ATG10: variants seen among roughly 807,000 people sequenced by gnomAD.
ATG10 encodes the protein ubiquitin-like-conjugating enzyme ATG10.
Under a neutral mutation model 32.1 loss-of-function variants are expected in ATG10, and 30 were observed. The observed-to-expected ratio is 0.94, with a 90% CI of 0.70 to 1.27. The LOEUF is 1.27. Among genes scored for constraint, ATG10 ranks in the 50% most tolerant of loss-of-function variants. ATG10 has a pLI of 0.00. For synonymous variants in ATG10, 87 were observed against 91.5 expected (o/e 0.95, Z 0.28); for missense variants, 233 against 262.3 (o/e 0.89, Z 0.77).
At chr5:82,169,856 A>G (rs967025452) in intron 4 of ATG10, among the ~76,000 whole-genome samples, 1 of 152,262 alleles carries the variant, frequency 6.6e-6, no homozygotes, top group African/African-American at 2.4e-5. Flanking sequence ...TCCAAATAAC[A>G]GAGGAAATCT....
In ATG10 at chr5:82,014,660, GT is replaced by G. The variant is rs542623645; in HGVS notation, c.108+26987del. Among the ~76,000 whole-genome samples the G allele has an allele frequency of 8.6e-3, 1,305 of 152,160 alleles. 17 individuals carry two copies. Among genetic ancestry groups the G allele is most frequent in the African/African-American group, 0.03 (1,235 of 41,510 alleles). On this transcript the variant is annotated intron_variant, in intron 2 of 7. Transcript: ENST00000282185. The stretch of plus-strand genomic sequence containing the variant: ...GAGACTAGGATTGCAATCCCTGCCT[GT>G]TTTTGTTTTCCATTTTCTTGGTAGA...
intron 3 of ATG10, among the ~76,000 whole-genome samples, chr5:82,086,576 C>T (rs1326062847): frequency 6.6e-6 from 1 of 152,128 alleles, no homozygotes; most frequent in Non-Finnish European, 1.5e-5. Context: ...AGTTGGACTT[C>T]TTAGCTGTGG....
At chr5:81,981,867 AAAGG>A (rs1441149202) in intron 1 of ATG10, among the ~76,000 whole-genome samples, 6 of 152,220 alleles carry the variant, frequency 3.9e-5, no homozygotes, top group African/African-American at 7.2e-5. Context: ...TTTCAATTAA[AAAGG>A]ATCATTTAAA....
chr5:82,060,736 G>A (rs1763739692), intron 3 of ATG10, among the ~76,000 whole-genome samples: 3 of 152,024 alleles, frequency 2.0e-5, no homozygotes, highest in Non-Finnish European at 4.4e-5. Context: ...GTGGGGGCTT[G>A]CGCCTATGGT....
At chr5:82,100,237 T>C (rs1765222263) in intron 3 of ATG10, among the ~76,000 whole-genome samples, 1 of 151,898 alleles carries the variant, frequency 6.6e-6, no homozygotes, top group African/African-American at 2.4e-5. Flanking sequence ...GAACTCGTGA[T>C]CTCAGGTGAT....
chr5:82,232,703 T>C (rs1264135010), intron 5 of ATG10, among the ~76,000 whole-genome samples: 1 of 152,234 alleles, frequency 6.6e-6, no homozygotes, highest in Non-Finnish European at 1.5e-5. Flanking sequence ...GGTAGCTTCC[T>C]TCCTGCCTCT....
At chr5:81,975,682 CAA>C (rs111857799) in intron 1 of ATG10, among the ~76,000 whole-genome samples, 1 of 143,416 alleles carries the variant, frequency 7.0e-6, no homozygotes. Context: ...ACCCCCCTCT[CAA>C]AAAAAAAAAG....
chr5:82,193,605 C>T (rs1744743363), intron 5 of ATG10, among the ~76,000 whole-genome samples: 2 of 152,154 alleles, frequency 1.3e-5, no homozygotes, highest in African/African-American at 4.8e-5. Flanking sequence ...CCTACCTCTA[C>T]TTAAAGGTCT....
At chr5:82,001,033 A>T (rs554860984) in intron 2 of ATG10, among the ~76,000 whole-genome samples, 15 of 152,218 alleles carry the variant, frequency 9.9e-5, no homozygotes, top group Non-Finnish European at 1.9e-4. Context: ...CATTCACAGG[A>T]GCCACAAAAA....
chr5:82,082,807 T>G (rs1764529517), intron 3 of ATG10, among the ~76,000 whole-genome samples: 1 of 152,194 alleles, frequency 6.6e-6, no homozygotes, highest in African/African-American at 2.4e-5. Context: ...CCAATCATGG[T>G]TGTCTTAGAA....
At chr5:82,114,270 G>T (rs1206209243) in intron 3 of ATG10, among the ~76,000 whole-genome samples, 1 of 151,982 alleles carries the variant, frequency 6.6e-6, no homozygotes, top group Non-Finnish European at 1.5e-5. Context: ...CACAAGAAGT[G>T]TCCTCCCACA....
intron 5 of ATG10, among the ~76,000 whole-genome samples, chr5:82,238,432 G>T (rs1409852639): frequency 6.7e-6 from 1 of 150,090 alleles, no homozygotes; most frequent in African/African-American, 2.5e-5. Context: ...GACAGGGCAT[G>T]AGTATTTCAC....
At chr5:82,170,823 C>G (rs938754948) in intron 4 of ATG10, among the ~76,000 whole-genome samples, 2 of 152,090 alleles carry the variant, frequency 1.3e-5, no homozygotes, top group African/African-American at 4.8e-5. Flanking sequence ...TAGCAAGCGC[C>G]TGTACTCCCA....
intron 3 of ATG10, among the ~76,000 whole-genome samples, chr5:82,135,062 G>T (rs905487200): frequency 5.9e-5 from 9 of 151,662 alleles, no homozygotes; most frequent in Non-Finnish European, 1.2e-4. Flanking sequence ...TGTGGGATTG[G>T]TGGTGATCTC....
At chr5:82,193,722 G>A (rs1257186332) in intron 5 of ATG10, among the ~76,000 whole-genome samples, 4 of 152,138 alleles carry the variant, frequency 2.6e-5, no homozygotes, top group South Asian at 4.1e-4. Flanking sequence ...CTTTTGATTC[G>A]CCAAAGTCTA....
intron 5 of ATG10, among the ~76,000 whole-genome samples, chr5:82,220,686 G>A (rs1432168949): frequency 6.6e-6 from 1 of 150,656 alleles, no homozygotes; most frequent in Middle Eastern, 3.2e-3. Flanking sequence ...CTGGAGTGCA[G>A]TAGCGTGATC....
chr5:82,065,085 T>G (rs1763899656), intron 3 of ATG10, among the ~76,000 whole-genome samples: 1 of 152,224 alleles, frequency 6.6e-6, no homozygotes, highest in Non-Finnish European at 1.5e-5. Flanking sequence ...AGTATGATTT[T>G]GCATGTGACA....
intron 5 of ATG10, among the ~76,000 whole-genome samples, chr5:82,214,620 A>G (rs1745607272): frequency 6.6e-6 from 1 of 152,180 alleles, no homozygotes; most frequent in Admixed American, 6.5e-5. Context: ...CCTGTATATG[A>G]TTGGGATCTT....
intron 2 of ATG10, chr5:82,009,678 A>C (rs758319802): frequency 1.1e-5 from 17 of 1,585,362 alleles, no homozygotes; most frequent in Non-Finnish European, 1.4e-5. Context: ...CATGACCTCC[A>C]CAATATTCAT....
Sources: allele counts gnomAD v4.1 joint callset (sites outside exome capture counted in the v4.1 genomes callset), GRCh38; gene constraint gnomAD v4.1.1; transcripts MANE v1.5; gene names NCBI Gene and HGNC (gene_info 2026-07-23, HGNC 2026-07-21).